R3HDM2: variants seen among roughly 807,000 people sequenced by gnomAD.
R3HDM2 encodes R3H domain containing 2.
Under a neutral mutation model 124.5 loss-of-function variants are expected in R3HDM2, and 38 were observed. That is an observed-to-expected ratio of 0.31 (90% CI 0.24 to 0.40). The LOEUF is 0.40. R3HDM2 is among the 10% of genes least tolerant of loss of function. The pLI is 1.00. For synonymous variants in R3HDM2, 391 were observed against 448.0 expected, an observed-to-expected ratio of 0.87 and a Z score of 1.61; for missense variants, 869 against 1,236.9, an observed-to-expected ratio of 0.70 and a Z score of 4.46.
At chr12:57,332,637 G>C (rs1266708146) in intron 2 of R3HDM2, among the ~76,000 whole-genome samples, 1 of 152,102 alleles carries the variant, frequency 6.6e-6, no homozygotes, top group Non-Finnish European at 1.5e-5. Flanking sequence ...CTAAAAAACT[G>C]TGTGAACTGA....
At chr12:57,323,741 T>C (rs924150163) in intron 2 of R3HDM2, among the ~76,000 whole-genome samples, 2 of 152,226 alleles carry the variant, frequency 1.3e-5, no homozygotes, top group Non-Finnish European at 2.9e-5. Flanking sequence ...GACTGAAGTG[T>C]TGGTTGGGCC....
chr12:57,271,460 A>G (rs868128450), intron 14 of R3HDM2, among the ~76,000 whole-genome samples: 258 of 151,912 alleles, frequency 1.7e-3, no homozygotes, highest in Middle Eastern at 3.4e-3. Flanking sequence ...ACACACACAC[A>G]CGCACACACA....
rs1869724281 is a variant in R3HDM2 at position 57,430,812 on chromosome 12, G to C, written c.-198C>G. 6.7e-6 allele frequency: 1 copy of C among 149,426 alleles called. No individual in the cohort carries two copies. Among genetic ancestry groups the C allele is most frequent in the Admixed American group, 6.7e-5 (1 of 14,974 alleles). The allele number at this position is 149,426 out of a possible 1,614,324, so 9.3% of individuals were successfully genotyped here. A position where few individuals can be genotyped will look rare whatever the true frequency, so the allele number is the denominator to read the frequency against. On this transcript the variant is annotated 5_prime_UTR_variant, in exon 1 of 24. Coordinates refer to ENST00000402412, the MANE Select transcript of R3HDM2 (RefSeq NM_001394031.1). ...CTGCGGCTCGGCCCCGACGGCCGGC[G>C]GCGGCGCGCTTCTGGGGGCGGGCTT...
Position 57,269,377 on chromosome 12 carries a change from C to T in R3HDM2, c.1660G>A (p.Val554Met), listed in dbSNP as rs2043114421. The change falls in exon 16 of 24, where the codon GTG (valine) becomes ATG (methionine). Residue 554 changes from valine to methionine, a missense_variant. Val to Met is a conservative substitution (Grantham distance 21, BLOSUM62 1). Transcript: ENST00000402412. ...TGACCACGTTGGGGGCTATAGGCCA[C>T]CGGGTGAGAGAGAGGTCGATATTGC... Reference protein sequence around the residue: ...NQQYRPLSHPVAYSPQRGQQL... With the variant: ...NQQYRPLSHPMAYSPQRGQQL... The T allele has an allele frequency of 6.2e-7, 1 of 1,613,924 alleles. No individual in the cohort carries two copies. The highest frequency in any genetic ancestry group is 1.7e-5 in the Admixed American group (1 of 59,992).
At chr12:57,377,059 C>T (rs932385630) in intron 2 of R3HDM2, among the ~76,000 whole-genome samples, 5 of 117,188 alleles carry the variant, frequency 4.3e-5, no homozygotes, top group Non-Finnish European at 9.2e-5. Flanking sequence ...CTTGCTGCTG[C>T]TCACTCCTTG....
chr12:57,297,431 A>T (rs1243857741), intron 7 of R3HDM2, 44 bp from the exon 8 acceptor site: 1 of 1,272,262 alleles, frequency 7.9e-7, no homozygotes, highest in East Asian at 2.6e-5. Context: ...AACAAAAAGC[A>T]GCCCTCCCAT....
At chr12:57,364,196 G>A (rs1593963312) in intron 2 of R3HDM2, among the ~76,000 whole-genome samples, 1 of 145,860 alleles carries the variant, frequency 6.9e-6, no homozygotes, top group African/African-American at 2.6e-5. Context: ...CACCCAGGTT[G>A]GAGTGCAGTG....
chr12:57,361,977 A>G (rs956869122), intron 2 of R3HDM2, among the ~76,000 whole-genome samples: 1 of 152,200 alleles, frequency 6.6e-6, no homozygotes, highest in African/African-American at 2.4e-5. Flanking sequence ...TACAAAAAAT[A>G]CAAAAATTAG....
chr12:57,385,803 G>A (rs917495701), intron 2 of R3HDM2, among the ~76,000 whole-genome samples: 1 of 152,290 alleles, frequency 6.6e-6, no homozygotes, highest in East Asian at 1.9e-4. Context: ...TCAAAGTGTG[G>A]CCTGGAACCC....
At chr12:57,416,466 C>A (rs941474304) in intron 1 of R3HDM2, among the ~76,000 whole-genome samples, 12 of 152,146 alleles carry the variant, frequency 7.9e-5, no homozygotes, top group Non-Finnish European at 1.8e-4. Flanking sequence ...TACTTGGCTG[C>A]CCAATAGAAA....
chr12:57,269,179 T>C, intron 16 of R3HDM2, 97 bp from the exon 17 acceptor site: 2 of 1,556,606 alleles, frequency 1.3e-6, no homozygotes, highest in South Asian at 2.4e-5. Flanking sequence ...ATCTTTCTTT[T>C]TCTGGAGAGC....
chr12:57,356,454 G>A (rs906593349), intron 2 of R3HDM2, among the ~76,000 whole-genome samples: 2 of 152,140 alleles, frequency 1.3e-5, no homozygotes, highest in Non-Finnish European at 2.9e-5. Context: ...TGATTATGAT[G>A]TATTGTCCTT....
chr12:57,401,859 C>T (rs2068080437), intron 1 of R3HDM2, among the ~76,000 whole-genome samples: 1 of 151,768 alleles, frequency 6.6e-6, no homozygotes, highest in Admixed American at 6.6e-5. Flanking sequence ...GTGGCAGGCA[C>T]CTGTAGTCCC....
intron 19 of R3HDM2, among the ~76,000 whole-genome samples, chr12:57,261,879 AAT>A (rs2040943336): frequency 6.6e-6 from 1 of 151,984 alleles, no homozygotes; most frequent in Admixed American, 6.6e-5. Flanking sequence ...TAAGGAAATC[AAT>A]TTCAGCTTGA....
intron 2 of R3HDM2, among the ~76,000 whole-genome samples, chr12:57,393,095 C>T (rs934808268): frequency 9.4e-5 from 14 of 148,734 alleles, no homozygotes; most frequent in African/African-American, 3.5e-4. Context: ...TCAGCCACTG[C>T]GCCAGGCATT....
At chr12:57,310,533 T>A in intron 2 of R3HDM2, 70 bp from the exon 3 acceptor site, 1 of 806,188 alleles carries the variant, frequency 1.2e-6, no homozygotes, top group Non-Finnish European at 1.7e-6. Flanking sequence ...AGACTCGTAT[T>A]TCACACGGGT....
chr12:57,282,882 G>T lies in R3HDM2; in HGVS notation c.1171+942C>A, dbSNP rs189426784. On this transcript the variant is annotated intron_variant, in intron 13 of 23. Transcript: ENST00000402412. ...CTGAGGATAACTACAGAACTTCTGG[G>T]ATGAGATTCAAGCAACTCTTCAAAG... Among the ~76,000 whole-genome samples, 189 of 152,332 alleles carry T rather than the reference G, an allele frequency of 1.2e-3. 1 individual carries two copies. Among genetic ancestry groups the T allele is most frequent in the African/African-American group, 4.2e-3 (173 of 41,574 alleles).
At chr12:57,395,610 C>T (rs1303701507) in intron 2 of R3HDM2, 139 bp downstream of exon 2, 4 of 231,760 alleles carry the variant, frequency 1.7e-5, no homozygotes, top group African/African-American at 9.3e-5. Context: ...CTCTCTGCAT[C>T]TCAATTTCTT....
At chr12:57,357,273 C>T (rs939790442) in intron 2 of R3HDM2, among the ~76,000 whole-genome samples, 1 of 151,952 alleles carries the variant, frequency 6.6e-6, no homozygotes. Context: ...ACCAGCCTGG[C>T]CAACATAGCA....
Sources: allele counts gnomAD v4.1 joint callset (sites outside exome capture counted in the v4.1 genomes callset), GRCh38; gene constraint gnomAD v4.1.1; transcripts MANE v1.5; gene names NCBI Gene and HGNC (gene_info 2026-07-23, HGNC 2026-07-21).